Variants in PCDHA2 observed in about 807,000 individuals in gnomAD.
PCDHA2 encodes the protein protocadherin alpha 2.
A neutral mutation model predicts 66.0 loss-of-function variants in PCDHA2; 58 were observed. The observed-to-expected ratio is 0.88, with a 90% confidence interval of 0.71 to 1.09. PCDHA2 has a LOEUF of 1.09. Ranked by LOEUF, PCDHA2 falls within the 50% of genes least tolerant of loss-of-function variation. The probability of loss-of-function intolerance (pLI) is 0.00; values close to 1 mark genes in which losing one functional copy is unlikely to be tolerated. For missense variants in PCDHA2, 1,267 were observed against 1,242.3 expected (o/e 1.02, Z -0.30); for synonymous variants, 634 against 554.0 (o/e 1.14, Z -2.03).
At chr5:140,940,873 A>G (rs541083185) in intron 1 of PCDHA2, among the ~76,000 whole-genome samples, 10 of 152,352 alleles carry the variant, frequency 6.6e-5, no homozygotes, top group African/African-American at 2.4e-4. Context: ...CAGTGAGTGA[A>G]TACTACTGCT....
At chr5:140,812,541 A>G (rs1223696277) in intron 1 of PCDHA2, 2 of 150,840 alleles carry the variant, frequency 1.3e-5, no homozygotes, top group Non-Finnish European at 3.0e-5. Context: ...CTTTTTTTCT[A>G]GTTCCTTGAG....
chr5:140,930,769 T>G (rs1373924244), intron 1 of PCDHA2, among the ~76,000 whole-genome samples: 2 of 152,214 alleles, frequency 1.3e-5, no homozygotes, highest in Non-Finnish European at 2.9e-5. Context: ...TTTTCTGTAC[T>G]TAATATTTTC....
chr5:140,856,396 C>T, intron 1 of PCDHA2: 1 of 1,598,526 alleles, frequency 6.3e-7, no homozygotes, highest in Non-Finnish European at 8.6e-7. Context: ...TGCAGGTTTT[C>T]CATGTGGACG....
chr5:140,952,615 C>T (rs572552032), intron 1 of PCDHA2, among the ~76,000 whole-genome samples: 1 of 152,288 alleles, frequency 6.6e-6, no homozygotes, highest in East Asian at 1.9e-4. Context: ...TCTCCCTCAT[C>T]TTCCCTCCAC....
intron 1 of PCDHA2, among the ~76,000 whole-genome samples, chr5:140,898,316 G>T (rs1487888782): frequency 6.6e-6 from 1 of 152,168 alleles, no homozygotes; most frequent in Non-Finnish European, 1.5e-5. Flanking sequence ...GGTTTTTATG[G>T]TTTTGGGTCT....
At chr5:140,828,833 G>A (rs2150159490) in intron 1 of PCDHA2, 2 of 1,614,186 alleles carry the variant, frequency 1.2e-6, no homozygotes, top group Non-Finnish European at 8.5e-7. Context: ...GTCTGAATAC[G>A]AAGTAAGAAT....
intron 1 of PCDHA2, among the ~76,000 whole-genome samples, chr5:140,936,730 T>C (rs2091111568): frequency 6.6e-6 from 1 of 152,258 alleles, no homozygotes; most frequent in Non-Finnish European, 1.5e-5. Flanking sequence ...GTGTTAAATA[T>C]AGTAACTTTT....
chr5:140,835,159 C>A, intron 1 of PCDHA2: 1 of 1,456,016 alleles, frequency 6.9e-7, no homozygotes, highest in Non-Finnish European at 9.3e-7. Flanking sequence ...TCTATCGGAA[C>A]GCTGGTGATT....
intron 3 of PCDHA2, among the ~76,000 whole-genome samples, chr5:140,997,400 G>A (rs1554255862): frequency 3.3e-5 from 5 of 152,056 alleles, no homozygotes; most frequent in Admixed American, 1.3e-4. Context: ...AGGCTCTATC[G>A]TATGGCCTAT....
chr5:140,860,895 G>A (rs185431284), intron 1 of PCDHA2: 2,100 of 152,348 alleles, frequency 0.014, 26 homozygotes, highest in Non-Finnish European at 0.02. Flanking sequence ...CCGCCAACAC[G>A]CCAGGCTAAT....
intron 1 of PCDHA2, among the ~76,000 whole-genome samples, chr5:140,911,235 A>G (rs1426271043): frequency 1.3e-5 from 2 of 152,146 alleles, no homozygotes; most frequent in Non-Finnish European, 2.9e-5. Flanking sequence ...TTCTTCTGGC[A>G]AAAAAAGTTT....
intron 1 of PCDHA2, among the ~76,000 whole-genome samples, chr5:140,962,725 T>C (rs536695569): frequency 3.2e-4 from 48 of 152,210 alleles, no homozygotes; most frequent in Non-Finnish European, 5.9e-4. Flanking sequence ...AGTATTTTCC[T>C]TCTGGGGATG....
intron 1 of PCDHA2, chr5:140,869,408 G>T (rs782029332): frequency 2.0e-5 from 32 of 1,614,106 alleles, no homozygotes; most frequent in Non-Finnish European, 2.7e-5. Context: ...AGCGCGGAGT[G>T]CAGCATCCAC....
At chr5:140,808,305 G>A in intron 1 of PCDHA2, 1 of 1,614,250 alleles carries the variant, frequency 6.2e-7, no homozygotes, top group Non-Finnish European at 8.5e-7. Context: ...GCCCTGATCA[G>A]CGTGTCCGAC....
chr5:140,934,528 G>T (rs782284913), intron 1 of PCDHA2, among the ~76,000 whole-genome samples: 26 of 152,112 alleles, frequency 1.7e-4, no homozygotes, highest in Non-Finnish European at 2.2e-4. Flanking sequence ...CACTTCGAGA[G>T]CTACCGTTCT....
chr5:140,842,285 G>A lies in PCDHA2; in HGVS notation c.2388+44933G>A, dbSNP rs1777851856. 1.9e-6 allele frequency: 3 copies of A among 1,610,382 alleles called. No homozygotes were observed. The highest frequency in any genetic ancestry group is 2.5e-6 in the Non-Finnish European group (3 of 1,176,908). On this transcript the variant is annotated intron_variant, in intron 1 of 3. Transcript: ENST00000526136. ...AAACTTATACAAAATCCTCATTGAC[G>A]CCACGGACAAAGGCCATCCTCCCAT...
chr5:140,981,687 A>ATCAT (rs200213847), intron 2 of PCDHA2, among the ~76,000 whole-genome samples: 1,547 of 152,086 alleles, frequency 0.01, 18 homozygotes, highest in African/African-American at 0.031. Flanking sequence ...CCTCCCTTCC[A>ATCAT]TCATTCATTC....
intron 3 of PCDHA2, among the ~76,000 whole-genome samples, chr5:141,000,931 T>G (rs1422337935): frequency 1.3e-5 from 2 of 152,188 alleles, no homozygotes; most frequent in African/African-American, 4.8e-5. Flanking sequence ...CCTGTGTGAT[T>G]TAGGACAAAT....
chr5:140,899,531 CA>C (rs2067387177), intron 1 of PCDHA2, among the ~76,000 whole-genome samples: 1 of 152,140 alleles, frequency 6.6e-6, no homozygotes, highest in Non-Finnish European at 1.5e-5. Context: ...GGATGAAGCC[CA>C]CTTGATCATG....
Sources: gnomAD v4.1 joint callset for allele counts (sites outside exome capture counted in the v4.1 genomes callset) on GRCh38, gnomAD v4.1.1 for gene constraint, MANE v1.5 for transcripts, NCBI Gene and HGNC (gene_info 2026-07-23, HGNC 2026-07-21) for gene names.